The following ZNHIT6 variants were observed in gnomAD, a reference collection of about 807,000 sequenced individuals.
The protein encoded by ZNHIT6 is zinc finger HIT-type containing 6, also known as box C/D snoRNA protein 1.
ZNHIT6 carries 45 observed loss-of-function variants against 57.2 expected under a neutral mutation model. That is an observed-to-expected ratio of 0.79 (90% CI 0.62 to 1.01). The LOEUF is 1.01. ZNHIT6 is among the 50% of genes least tolerant of loss of function. The probability of loss-of-function intolerance (pLI) is 0.00; values close to 1 mark genes in which losing one functional copy is unlikely to be tolerated. For missense variants in ZNHIT6, 528 were observed against 567.3 expected (o/e 0.93, Z 0.70); for synonymous variants, 188 against 190.0 (o/e 0.99, Z 0.09).
At chr1:85,703,183 G>T (rs1045124431) in intron 4 of ZNHIT6, among the ~76,000 whole-genome samples, 2 of 152,040 alleles carry the variant, frequency 1.3e-5, no homozygotes, top group African/African-American at 4.8e-5. Context: ...CAGGATAAGG[G>T]TGAACCAGAA....
chr1:85,654,951 T>C (rs1661020968), intron 9 of ZNHIT6, among the ~76,000 whole-genome samples: 1 of 152,196 alleles, frequency 6.6e-6, no homozygotes, highest in African/African-American at 2.4e-5. Flanking sequence ...TAAAAGCTGA[T>C]GCTAGAAGCA....
At chr1:85,679,909 T>G (rs1570308664) in intron 6 of ZNHIT6, among the ~76,000 whole-genome samples, 2 of 152,194 alleles carry the variant, frequency 1.3e-5, no homozygotes, top group Admixed American at 1.3e-4. Flanking sequence ...TAAATGACAC[T>G]TGAAAATGTT....
chr1:85,658,674 C>T (rs1661135024), intron 8 of ZNHIT6, among the ~76,000 whole-genome samples: 1 of 151,906 alleles, frequency 6.6e-6, no homozygotes, highest in African/African-American at 2.4e-5. Flanking sequence ...GAGTTTGAGA[C>T]CAGCGTGACC....
intron 5 of ZNHIT6, among the ~76,000 whole-genome samples, chr1:85,699,108 T>C (rs1231327047): frequency 6.6e-6 from 1 of 152,058 alleles, no homozygotes; most frequent in South Asian, 2.1e-4. Flanking sequence ...TTTTGAAAAG[T>C]TAATAGAAAA....
At chr1:85,703,665 C>T (rs1044003553) in intron 4 of ZNHIT6, among the ~76,000 whole-genome samples, 1 of 152,100 alleles carries the variant, frequency 6.6e-6, no homozygotes, top group Non-Finnish European at 1.5e-5. Flanking sequence ...TAAAACACAA[C>T]AGTATAAAGC....
At chr1:85,679,661 T>A (rs1192041626) in intron 6 of ZNHIT6, among the ~76,000 whole-genome samples, 1 of 150,956 alleles carries the variant, frequency 6.6e-6, no homozygotes, top group Non-Finnish European at 1.5e-5. Context: ...CTTGGCTCAC[T>A]GCAACCTCCG....
intron 8 of ZNHIT6, among the ~76,000 whole-genome samples, chr1:85,658,284 A>G (rs950627160): frequency 8.5e-5 from 13 of 152,084 alleles, no homozygotes; most frequent in African/African-American, 3.1e-4. Context: ...GCTGGAGTGC[A>G]GTGGCACAAT....
chr1:85,660,270 C>T (rs546139107), intron 8 of ZNHIT6, among the ~76,000 whole-genome samples: 7 of 152,266 alleles, frequency 4.6e-5, no homozygotes, highest in African/African-American at 1.7e-4. Context: ...TTTCAAGTGG[C>T]ATCCTACAAG....
intron 8 of ZNHIT6, among the ~76,000 whole-genome samples, chr1:85,670,094 T>C (rs756737799): frequency 2.6e-5 from 4 of 152,106 alleles, no homozygotes; most frequent in Non-Finnish European, 5.9e-5. Context: ...TCATTGAGAA[T>C]TGAAGCCCCC....
chr1:85,655,469 T>C (rs141398403), intron 9 of ZNHIT6, among the ~76,000 whole-genome samples: 10 of 152,318 alleles, frequency 6.6e-5, no homozygotes, highest in Non-Finnish European at 1.0e-4. Context: ...GCTGAGGCAT[T>C]TTCTAATCTT....
In ZNHIT6 at chr1:85,678,785, T is replaced by C. The variant is rs192667862; in HGVS notation, c.1089-4A>G. 791 of 1,461,304 alleles carry C rather than the reference T, an allele frequency of 5.4e-4. No homozygotes were observed. The African/African-American group carries it at 6.9e-3, about 13-fold the overall frequency. 90.5% of individuals were successfully genotyped at this position (1,461,304 alleles called of 1,614,324 possible). A position where few individuals can be genotyped will look rare whatever the true frequency, so the allele number is the denominator to read the frequency against. ...AATAGTTTTATCATCTGGTACTCTT[T>C]ACAACAAAGAAAAAAAAACAAGCTA... On this transcript the variant is annotated splice_region_variant and splice_polypyrimidine_tract_variant and intron_variant, in intron 6 of 9. Transcript: ENST00000370574.
chr1:85,650,734 A>G lies in ZNHIT6; in HGVS notation c.*3324T>C, dbSNP rs1218958441. ...GGTATGTGCAAAGAGATCACATGGGAAGGCAGGAGGCAAAAAGGAGAAAAT... is the reference window on the plus strand; with the variant it reads ...GGTATGTGCAAAGAGATCACATGGGGAGGCAGGAGGCAAAAAGGAGAAAAT... On this transcript the variant is annotated 3_prime_UTR_variant, in exon 10 of 10. Coordinates refer to ENST00000370574, the MANE Select transcript of ZNHIT6 (RefSeq NM_017953.4). 1 of 152,258 alleles carries G rather than the reference A, an allele frequency of 6.6e-6. No homozygotes were observed. The highest frequency in any genetic ancestry group is 1.9e-4 in the East Asian group (1 of 5,208). The allele number at this position is 152,258 out of a possible 1,614,324, so 9.4% of individuals were successfully genotyped here. A position where few individuals can be genotyped will look rare whatever the true frequency, so the allele number is the denominator to read the frequency against.
At position 85,708,309 on chromosome 1, in the gene ZNHIT6, T is replaced by G; in HGVS notation, c.-25A>C. The G allele has an allele frequency of 1.3e-6, 2 of 1,571,202 alleles. No homozygotes were observed. The highest frequency in any genetic ancestry group is 1.7e-6 in the Non-Finnish European group (2 of 1,158,022). On this transcript the variant is annotated 5_prime_UTR_variant, in exon 1 of 10. Transcript: ENST00000370574. The stretch of plus-strand genomic sequence containing the variant: ...TCAACTCACGATCCTTGGCCTCTGC[T>G]GCCACTCTATCCTTCAATGTGGCTG...
chr1:85,674,130 A>G (rs1331690403), intron 8 of ZNHIT6, among the ~76,000 whole-genome samples: 1 of 152,162 alleles, frequency 6.6e-6, no homozygotes, highest in Non-Finnish European at 1.5e-5. Flanking sequence ...GCAATTTTTA[A>G]ATTGGACCTG....
chr1:85,663,384 T>C lies in ZNHIT6; in HGVS notation c.1248-5413A>G, dbSNP rs998069671. Among the ~76,000 whole-genome samples the C allele has an allele frequency of 2.6e-5, 4 of 152,350 alleles. No homozygotes were observed. In the East Asian group the frequency reaches 5.8e-4, roughly 22 times the overall value. ...ATAAACTGTACAAACTTAGTTTCTT[T>C]GGGTAAGTCAATTTTTCAGAGCCTA... On this transcript the variant is annotated intron_variant, in intron 8 of 9. Transcript: ENST00000370574.
intron 1 of ZNHIT6, 28 bp downstream of exon 1, chr1:85,707,601 C>T (rs774562754): frequency 3.3e-6 from 5 of 1,526,080 alleles, no homozygotes; most frequent in Admixed American, 4.5e-5. Flanking sequence ...CAGCTTTATT[C>T]CCCTAAATGG....
At chr1:85,657,792 T>C (rs1661102130) in intron 9 of ZNHIT6, 55 bp downstream of exon 9, 3 of 1,538,624 alleles carry the variant, frequency 1.9e-6, no homozygotes, top group East Asian at 4.6e-5. Context: ...GGACATATTT[T>C]GCTTTGGTTT....
At chr1:85,684,824 A>C (rs1380695334) in intron 5 of ZNHIT6, among the ~76,000 whole-genome samples, 2 of 152,196 alleles carry the variant, frequency 1.3e-5, no homozygotes, top group Non-Finnish European at 2.9e-5. Flanking sequence ...TATTCTTTTG[A>C]CTTCATAACT....
At chr1:85,667,656 T>C (rs181442509) in intron 8 of ZNHIT6, among the ~76,000 whole-genome samples, 1,514 of 145,440 alleles carry the variant, frequency 0.01, 21 homozygotes, top group African/African-American at 0.036. Flanking sequence ...ATAATGGCCA[T>C]GTGTGGTGGC....
Sources: gnomAD v4.1 joint callset for allele counts (sites outside exome capture counted in the v4.1 genomes callset) on GRCh38, gnomAD v4.1.1 for gene constraint, MANE v1.5 for transcripts, NCBI Gene and HGNC (gene_info 2026-07-23, HGNC 2026-07-21) for gene names.